Variants in CSMD3 observed in about 807,000 individuals in gnomAD.
The protein encoded by CSMD3 is CUB and sushi domain-containing protein 3.
Under a neutral mutation model 435.2 loss-of-function variants are expected in CSMD3, and 177 were observed. The observed-to-expected ratio is 0.41, with a 90% CI of 0.36 to 0.46. The LOEUF (loss-of-function observed/expected upper bound fraction) is 0.46, where lower values mean the gene tolerates loss of function less well. CSMD3 is among the 20% of genes least tolerant of loss of function. The probability of loss-of-function intolerance (pLI) is 0.34; values close to 1 mark genes in which losing one functional copy is unlikely to be tolerated. For missense variants in CSMD3, 4,265 were observed against 4,504.6 expected, an observed-to-expected ratio of 0.95 and a Z score of 1.52; for synonymous variants, 1,656 against 1,520.5, an observed-to-expected ratio of 1.09 and a Z score of -2.07.
chr8:113,060,273 C>T (rs867992875), intron 5 of CSMD3, among the ~76,000 whole-genome samples: 2 of 145,618 alleles, frequency 1.4e-5, no homozygotes, highest in South Asian at 2.2e-4. Context: ...CGATAGTTTA[C>T]TGAGAATGAT....
intron 31 of CSMD3, among the ~76,000 whole-genome samples, chr8:112,481,840 C>T (rs902937163): frequency 6.6e-6 from 1 of 152,068 alleles, no homozygotes; most frequent in Non-Finnish European, 1.5e-5. Flanking sequence ...AAAATTTGAT[C>T]TTAGTAAAAA....
chr8:112,555,158 T>G (rs1828007612), intron 25 of CSMD3, among the ~76,000 whole-genome samples: 1 of 151,964 alleles, frequency 6.6e-6, no homozygotes, highest in Non-Finnish European at 1.5e-5. Flanking sequence ...CAACATGTTT[T>G]GATTTTGAGT....
chr8:112,451,913 TAA>T (rs1225374885), intron 32 of CSMD3, among the ~76,000 whole-genome samples: 3 of 152,364 alleles, frequency 2.0e-5, no homozygotes, highest in Admixed American at 6.5e-5. Flanking sequence ...TAGATTTTTT[TAA>T]AACAAAGGTT....
At chr8:112,365,982 T>C (rs1427401344) in intron 38 of CSMD3, among the ~76,000 whole-genome samples, 4 of 152,178 alleles carry the variant, frequency 2.6e-5, no homozygotes, top group Non-Finnish European at 4.4e-5. Flanking sequence ...AAGCTTTCAA[T>C]TTCAATGGAA....
intron 13 of CSMD3, among the ~76,000 whole-genome samples, chr8:112,771,153 A>C (rs933447133): frequency 8.5e-5 from 13 of 152,086 alleles, no homozygotes; most frequent in African/African-American, 3.1e-4. Flanking sequence ...AAAAATTCCC[A>C]CAGAGTCCAC....
At chr8:112,516,038 G>T (rs1358417178) in intron 28 of CSMD3, among the ~76,000 whole-genome samples, 1 of 151,992 alleles carries the variant, frequency 6.6e-6, no homozygotes, top group African/African-American at 2.4e-5. Flanking sequence ...ATAATTGATT[G>T]AGTTTGTTCA....
intron 59 of CSMD3, among the ~76,000 whole-genome samples, chr8:112,271,319 G>T (rs906455618): frequency 8.5e-5 from 13 of 152,118 alleles, no homozygotes; most frequent in Admixed American, 6.6e-5. Context: ...ATTAAGAAAT[G>T]ATATAATTTT....
intron 10 of CSMD3, among the ~76,000 whole-genome samples, chr8:112,872,130 A>G (rs1472049693): frequency 2.0e-5 from 3 of 152,054 alleles, no homozygotes; most frequent in Admixed American, 1.3e-4. Context: ...TACAAACACA[A>G]GTATCTGAAG....
intron 31 of CSMD3, among the ~76,000 whole-genome samples, chr8:112,485,422 T>C (rs543174336): frequency 6.6e-6 from 1 of 152,236 alleles, no homozygotes; most frequent in South Asian, 2.1e-4. Context: ...ATTACATATT[T>C]AAATGATTTC....
At chr8:113,367,660 T>C (rs1217947993) in intron 1 of CSMD3, among the ~76,000 whole-genome samples, 2 of 152,118 alleles carry the variant, frequency 1.3e-5, no homozygotes, top group East Asian at 3.9e-4. Flanking sequence ...TTCTTGCGTC[T>C]GGCTTCCTTT....
intron 20 of CSMD3, among the ~76,000 whole-genome samples, chr8:112,639,851 C>T (rs377222281): frequency 8.5e-5 from 13 of 152,120 alleles, no homozygotes; most frequent in East Asian, 3.9e-4. Flanking sequence ...TCACTTAAGT[C>T]GTTTGCGTTT....
intron 10 of CSMD3, among the ~76,000 whole-genome samples, chr8:112,891,453 C>A (rs1424924365): frequency 6.6e-6 from 1 of 151,534 alleles, no homozygotes; most frequent in Non-Finnish European, 1.5e-5. Context: ...ATGAGAAATA[C>A]TTTAACTGGG....
intron 45 of CSMD3, among the ~76,000 whole-genome samples, chr8:112,322,457 C>A (rs1823088494): frequency 6.6e-6 from 1 of 152,066 alleles, no homozygotes; most frequent in African/African-American, 2.4e-5. Flanking sequence ...GCTAAGAGAT[C>A]ACTGTGAGCC....
intron 13 of CSMD3, among the ~76,000 whole-genome samples, chr8:112,708,479 G>C (rs2076543872): frequency 1.3e-5 from 2 of 151,800 alleles, no homozygotes; most frequent in Admixed American, 1.3e-4. Flanking sequence ...AATAATTAAA[G>C]GAGCACAAAA....
chr8:112,510,826 CT>C (rs1328586621), intron 28 of CSMD3, among the ~76,000 whole-genome samples: 1 of 152,024 alleles, frequency 6.6e-6, no homozygotes, highest in African/African-American at 2.4e-5. Flanking sequence ...TTATTTATTC[CT>C]AGAATTCAGT....
chr8:113,061,131 A>G (rs1223971096), intron 5 of CSMD3, among the ~76,000 whole-genome samples: 1 of 151,918 alleles, frequency 6.6e-6, no homozygotes, highest in Non-Finnish European at 1.5e-5. Context: ...TGGGGCCATA[A>G]CCCTGTTATC....
At chr8:112,694,152 CTGTT>C (rs1415529698) in intron 13 of CSMD3, among the ~76,000 whole-genome samples, 2 of 151,390 alleles carry the variant, frequency 1.3e-5, no homozygotes, top group Non-Finnish European at 2.9e-5. Context: ...TCTTTTAACT[CTGTT>C]TCCTTGGATT....
intron 27 of CSMD3, among the ~76,000 whole-genome samples, chr8:112,523,799 C>A (rs1200150948): frequency 6.6e-6 from 1 of 152,022 alleles, no homozygotes; most frequent in Non-Finnish European, 1.5e-5. Context: ...CCACACTCTG[C>A]CAGCTACTCA....
At chr8:113,124,711 ATGT>A (rs1471883534) in intron 4 of CSMD3, among the ~76,000 whole-genome samples, 1 of 151,998 alleles carries the variant, frequency 6.6e-6, no homozygotes, top group East Asian at 1.9e-4. Context: ...GGCTGATCAC[ATGT>A]TGTGGTAGTT....
Sources: gnomAD v4.1 joint callset for allele counts (sites outside exome capture counted in the v4.1 genomes callset) on GRCh38, gnomAD v4.1.1 for gene constraint, MANE v1.5 for transcripts, NCBI Gene and HGNC (gene_info 2026-07-23, HGNC 2026-07-21) for gene names.